The following PCF11 variants were observed in gnomAD, a reference collection of about 807,000 sequenced individuals.
PCF11 encodes pre-mRNA cleavage complex 2 protein Pcf11.
PCF11 carries 19 observed loss-of-function variants against 166.1 expected under a neutral mutation model. The ratio of observed to expected loss-of-function variants is 0.11; its 90% CI spans 0.08 to 0.17. The LOEUF (loss-of-function observed/expected upper bound fraction) is 0.17, where lower values mean the gene tolerates loss of function less well. PCF11 is among the 10% of genes least tolerant of loss of function. PCF11 has a pLI of 1.00. For synonymous variants in PCF11, 663 were observed against 644.1 expected (o/e 1.03, Z -0.44); for missense variants, 1,565 against 1,855.5 (o/e 0.84, Z 2.88).
Position 83,166,200 on chromosome 11 carries a change from A to G in PCF11, c.1303A>G (p.Met435Val), listed in dbSNP as rs528329105. The G allele has an allele frequency of 1.6e-5, 26 of 1,612,696 alleles. No individual in the cohort carries two copies. In the Admixed American group the frequency reaches 2.5e-4, roughly 16 times the overall value. Residue 435 changes from methionine to valine, a missense_variant, in exon 5 of 16, where the codon ATG (methionine) becomes GTG (valine). Transcript: ENST00000298281. Reference sequence around the variant, plus strand: ...AGAAAAAAAGGATAAAGATGAGCACATGAAGTCATCCGAACACAGACTGGC... The same window carrying G: ...AGAAAAAAAGGATAAAGATGAGCACGTGAAGTCATCCGAACACAGACTGGC...
intron 3 of PCF11, 32 bp downstream of exon 3, chr11:83,163,899 C>T (rs1284066320): frequency 1.0e-6 from 1 of 961,464 alleles, no homozygotes; most frequent in Non-Finnish European, 1.5e-6. Flanking sequence ...AAGTAACATA[C>T]TTTTAAGTAT....
At chr11:83,166,805 C>T (rs1860479613) in intron 5 of PCF11, 91 bp downstream of exon 5, 4 of 1,066,198 alleles carry the variant, frequency 3.8e-6, no homozygotes, top group African/African-American at 1.6e-5. Flanking sequence ...TTATTAGGTG[C>T]TATTAGTACT....
chr11:83,179,938 G>T (rs1861029679), intron 11 of PCF11, among the ~76,000 whole-genome samples: 1 of 151,796 alleles, frequency 6.6e-6, no homozygotes, highest in African/African-American at 2.4e-5. Flanking sequence ...ACGGGCGGGG[G>T]GTGGATTTAG....
exon 1 of PCF11, chr11:83,157,537 G>A (rs2135410005): frequency 6.2e-7 from 1 of 1,613,908 alleles, no homozygotes; most frequent in East Asian, 2.2e-5. Flanking sequence ...ACCTTCAATA[G>A]CAAGCCGCAC....
chr11:83,157,140 AG>A, exon 1 of PCF11: 1 of 551,570 alleles, frequency 1.8e-6, no homozygotes, highest in South Asian at 2.5e-5. Context: ...CGCACGACGC[AG>A]CGGTTGGGAA....
At chr11:83,162,778 C>CT (rs369097626) in intron 2 of PCF11, among the ~76,000 whole-genome samples, 12 of 151,984 alleles carry the variant, frequency 7.9e-5, no homozygotes, top group East Asian at 1.9e-4. Flanking sequence ...CTTTCTTTTT[C>CT]TTTTTTTTGT....
chr11:83,172,178 A>G (rs1249900000), intron 9 of PCF11, among the ~76,000 whole-genome samples: 1 of 152,184 alleles, frequency 6.6e-6, no homozygotes, highest in Non-Finnish European at 1.5e-5. Context: ...ATTGGGTGGA[A>G]ACTGGGAGTG....
exon 8 of PCF11, chr11:83,169,054 C>T (rs1860580190): frequency 6.2e-7 from 1 of 1,613,486 alleles, no homozygotes; most frequent in South Asian, 1.1e-5. Flanking sequence ...ATTTGATAAT[C>T]CCCGAGGTCA....
chr11:83,163,929 C>G, intron 3 of PCF11, 62 bp downstream of exon 3: 1 of 720,180 alleles, frequency 1.4e-6, no homozygotes, highest in South Asian at 2.8e-5. Context: ...AATTCTTCTG[C>G]AGAACTTACT....
At chr11:83,179,481 C>T (rs1861008723) in intron 11 of PCF11, among the ~76,000 whole-genome samples, 1 of 152,072 alleles carries the variant, frequency 6.6e-6, no homozygotes, top group South Asian at 2.1e-4. Context: ...AACTCCTGGG[C>T]TCAAGTCATC....
chr11:83,161,589 CAAAG>C (rs1860256335), intron 2 of PCF11, 137 bp downstream of exon 2: 4 of 581,668 alleles, frequency 6.9e-6, no homozygotes, highest in African/African-American at 2.0e-5. Context: ...AGTACCATTT[CAAAG>C]AAAGAGGCTG....
intron 8 of PCF11, 40 bp downstream of exon 8, chr11:83,170,035 G>A: frequency 6.7e-7 from 1 of 1,487,760 alleles, no homozygotes; most frequent in Non-Finnish European, 8.9e-7. Flanking sequence ...ATGCAGATAA[G>A]TTAACCATTT....
intron 14 of PCF11, among the ~76,000 whole-genome samples, 194 bp from the exon 15 acceptor site, chr11:83,182,844 A>T (rs1861129640): frequency 6.6e-6 from 1 of 152,236 alleles, no homozygotes; most frequent in Non-Finnish European, 1.5e-5. Flanking sequence ...CTAGATACTT[A>T]AATGGGCCAA....
chr11:83,170,069 C>CGAA, intron 8 of PCF11, 74 bp downstream of exon 8: 1 of 1,247,608 alleles, frequency 8.0e-7, no homozygotes, highest in South Asian at 1.6e-5. Flanking sequence ...GGAGGGTTTT[C>CGAA]AGGACATAGT....
chr11:83,177,837 CT>C lies in PCF11; in HGVS notation c.3983+21del. ...TTGAAACAGTATGTAATCTAATTTT[CT>C]TTAAGATAAAGAGGCAGTGACTTTA... On this transcript the variant is annotated intron_variant, in intron 11 of 15. Transcript: ENST00000298281. The C allele has an allele frequency of 1.6e-6, 2 of 1,273,184 alleles. No individual in the cohort carries two copies. The highest frequency in any genetic ancestry group is 2.2e-6 in the Non-Finnish European group (2 of 910,848). The allele number at this position is 1,273,184 out of a possible 1,614,324, so 78.9% of individuals were successfully genotyped here.
exon 3 of PCF11, chr11:83,163,812 C>T (rs2135419654): frequency 6.3e-7 from 1 of 1,585,938 alleles, no homozygotes; most frequent in Non-Finnish European, 8.6e-7. Flanking sequence ...AAACCTCTAC[C>T]CCCCAATGTG....
exon 5 of PCF11, chr11:83,166,374 C>A (rs1860459832): frequency 6.2e-7 from 1 of 1,613,910 alleles, no homozygotes; most frequent in Non-Finnish European, 8.5e-7. Flanking sequence ...ACCAATTATA[C>A]ATTCCCCAAA....
At chr11:83,177,785 G>T in exon 11 of PCF11, 1 of 1,534,858 alleles carries the variant, frequency 6.5e-7, no homozygotes, top group Non-Finnish European at 8.8e-7. Context: ...AGATGTTCCA[G>T]ATCTTACTAA....
At chr11:83,165,799 G>T (rs756362272) in exon 5 of PCF11, 10 of 1,611,792 alleles carry the variant, frequency 6.2e-6, no homozygotes, top group Non-Finnish European at 7.6e-6. Context: ...CGTCTGAACA[G>T]GATAAGCCAA....
Sources: gnomAD v4.1 joint callset for allele counts (sites outside exome capture counted in the v4.1 genomes callset) on GRCh38, gnomAD v4.1.1 for gene constraint, MANE v1.5 for transcripts, NCBI Gene and HGNC (gene_info 2026-07-23, HGNC 2026-07-21) for gene names.